The following PLEKHA1 variants were observed in gnomAD, a reference collection of about 807,000 sequenced individuals.
PLEKHA1 encodes the protein pleckstrin homology domain containing A1, also known as pleckstrin homology domain-containing family A member 1.
PLEKHA1 carries 34 observed loss-of-function variants against 52.0 expected under a neutral mutation model. The ratio of observed to expected loss-of-function variants is 0.65; its 90% confidence interval spans 0.50 to 0.87. PLEKHA1 has a LOEUF of 0.87. Ranked by LOEUF, PLEKHA1 falls within the 40% of genes least tolerant of loss-of-function variation. The pLI is 0.00. For missense variants in PLEKHA1, 497 were observed against 504.2 expected, an observed-to-expected ratio of 0.99 and a Z score of 0.14; for synonymous variants, 163 against 170.7, an observed-to-expected ratio of 0.95 and a Z score of 0.35.
chr10:122,379,145 C>A (rs971845990), intron 1 of PLEKHA1, among the ~76,000 whole-genome samples: 21 of 152,148 alleles, frequency 1.4e-4, no homozygotes, highest in Non-Finnish European at 1.5e-5. Context: ...GTAGCTAAAC[C>A]TTTTCCAACC....
intron 1 of PLEKHA1, among the ~76,000 whole-genome samples, chr10:122,384,301 T>C (rs1455236323): frequency 6.6e-6 from 1 of 152,202 alleles, no homozygotes; most frequent in East Asian, 1.9e-4. Context: ...GTTTTTGCCA[T>C]GGAAAGCTTT....
chr10:122,405,865 C>G (rs923551873), intron 4 of PLEKHA1, among the ~76,000 whole-genome samples: 2 of 152,084 alleles, frequency 1.3e-5, no homozygotes, highest in Non-Finnish European at 2.9e-5. Flanking sequence ...TAGTTGTGTG[C>G]TGCTGTTGGA....
At chr10:122,385,325 TTTTTTTTTTGA>T (rs1400040670) in intron 1 of PLEKHA1, among the ~76,000 whole-genome samples, 2 of 144,424 alleles carry the variant, frequency 1.4e-5, no homozygotes, top group Admixed American at 1.4e-4. Flanking sequence ...TTTTTTTTTT[TTTTTTTTTTGA>T]GGCGGAGTTT....
chr10:122,423,730 G>A (rs1258235426), intron 8 of PLEKHA1: 1 of 154,516 alleles, frequency 6.5e-6, no homozygotes, highest in Admixed American at 6.5e-5. Context: ...TTAAAAGCTA[G>A]CAGATGTCTC....
At chr10:122,376,171 A>G (rs533248830) in intron 1 of PLEKHA1, among the ~76,000 whole-genome samples, 1 of 152,302 alleles carries the variant, frequency 6.6e-6, no homozygotes, top group South Asian at 2.1e-4. Flanking sequence ...AAGACCCGTT[A>G]TATTAAAATA....
chr10:122,404,831 A>G (rs956650969), intron 4 of PLEKHA1, among the ~76,000 whole-genome samples: 15 of 152,196 alleles, frequency 9.9e-5, no homozygotes, highest in African/African-American at 3.6e-4. Context: ...GCTGTAGTTT[A>G]GAGTGTTTTG....
At chr10:122,427,437 G>A (rs1285521467) in intron 11 of PLEKHA1, among the ~76,000 whole-genome samples, 1 of 152,094 alleles carries the variant, frequency 6.6e-6, no homozygotes, top group Non-Finnish European at 1.5e-5. Flanking sequence ...TACTTCCTCT[G>A]ATTTCAGTTC....
chr10:122,437,297 C>G (rs950578976), downstream of PLEKHA1: 2 of 151,938 alleles, frequency 1.3e-5, no homozygotes, highest in East Asian at 3.9e-4. Context: ...GTTTTCAGCC[C>G]GAACAACTAG....
At chr10:122,442,574 A>T in the PLEKHA1 span, 3 of 152,214 alleles carry the variant, frequency 2.0e-5, no homozygotes, top group South Asian at 4.1e-4. Context: ...TACACCCCAC[A>T]CAAAACAATA....
At chr10:122,429,159 T>C (rs1294183063) in intron 11 of PLEKHA1, among the ~76,000 whole-genome samples, 1 of 152,228 alleles carries the variant, frequency 6.6e-6, no homozygotes. Context: ...TAAAGAAATA[T>C]GGCCTTTCAT....
At chr10:122,376,786 C>T (rs2096544492) in intron 1 of PLEKHA1, among the ~76,000 whole-genome samples, 2 of 152,040 alleles carry the variant, frequency 1.3e-5, no homozygotes, top group Admixed American at 6.5e-5. Context: ...GTTCATAAGC[C>T]GGAAGGACCT....
chr10:122,439,980 T>C, the PLEKHA1 span: 1 of 152,232 alleles, frequency 6.6e-6, no homozygotes, highest in Non-Finnish European at 1.5e-5. Flanking sequence ...CTGAGCACAA[T>C]ATACAGAACT....
At chr10:122,402,277 G>C (rs543520861) in intron 4 of PLEKHA1, among the ~76,000 whole-genome samples, 1 of 152,318 alleles carries the variant, frequency 6.6e-6, no homozygotes, top group South Asian at 2.1e-4. Flanking sequence ...TCAGGCAATA[G>C]TTTATTAGTC....
intron 3 of PLEKHA1, among the ~76,000 whole-genome samples, chr10:122,399,831 C>T (rs1457049239): frequency 6.6e-6 from 1 of 152,080 alleles, no homozygotes; most frequent in Admixed American, 6.5e-5. Flanking sequence ...GTGATCCGCC[C>T]GCCTTGGCCT....
At chr10:122,415,614 G>C (rs2097163261) in intron 6 of PLEKHA1, among the ~76,000 whole-genome samples, 1 of 152,138 alleles carries the variant, frequency 6.6e-6, no homozygotes, top group Non-Finnish European at 1.5e-5. Context: ...AAAATAAAAA[G>C]TTAACTCCTT....
chr10:122,419,039 A>G lies in PLEKHA1; in HGVS notation c.681+1071A>G, dbSNP rs191761271. ...ATTTATATTTACATCATTACACACA[A>G]TGGCCACTGTATTGGCCAGCAGAGC... is the stretch of plus-strand genomic sequence containing the variant. On this transcript the variant is annotated intron_variant, in intron 8 of 11. Coordinates refer to ENST00000368990, the MANE Select transcript of PLEKHA1 (RefSeq NM_001001974.4). 4.3e-4 allele frequency: 66 copies of G among 152,314 alleles called. No homozygotes were observed. In the East Asian group the frequency reaches 9.9e-3, roughly 23 times the overall value. The allele number at this position is 152,314 out of a possible 1,614,324, so 9.4% of individuals were successfully genotyped here.
At chr10:122,401,552 C>T (rs2096929675) in intron 4 of PLEKHA1, among the ~76,000 whole-genome samples, 1 of 152,034 alleles carries the variant, frequency 6.6e-6, no homozygotes, top group African/African-American at 2.4e-5. Flanking sequence ...AATGAGAAAT[C>T]AGGGAGAGCT....
intron 4 of PLEKHA1, among the ~76,000 whole-genome samples, chr10:122,402,868 T>C (rs1212394290): frequency 6.6e-6 from 1 of 152,090 alleles, no homozygotes; most frequent in East Asian, 1.9e-4. Flanking sequence ...GTCTGCACAA[T>C]CAGTGCAACC....
chr10:122,409,185 A>G (rs1277696993), intron 5 of PLEKHA1, among the ~76,000 whole-genome samples: 2 of 152,166 alleles, frequency 1.3e-5, no homozygotes, highest in Non-Finnish European at 2.9e-5. Context: ...TCAACTTATG[A>G]TGGGGTTACA....
Sources: allele counts gnomAD v4.1 joint callset (sites outside exome capture counted in the v4.1 genomes callset), GRCh38; gene constraint gnomAD v4.1.1; transcripts MANE v1.5; gene names NCBI Gene and HGNC (gene_info 2026-07-23, HGNC 2026-07-21).